Variants in ISM1 observed in about 807,000 individuals in gnomAD.
ISM1 encodes isthmin-1.
A neutral mutation model predicts 46.3 loss-of-function variants in ISM1; 25 were observed. The observed-to-expected ratio is 0.54, with a 90% confidence interval of 0.39 to 0.75. The LOEUF is 0.75. Ranked by LOEUF, ISM1 falls within the 30% of genes least tolerant of loss-of-function variation. ISM1 has a pLI of 0.00. For missense variants in ISM1, 536 were observed against 625.4 expected, an observed-to-expected ratio of 0.86 and a Z score of 1.52; for synonymous variants, 255 against 256.7, an observed-to-expected ratio of 0.99 and a Z score of 0.06.
intron 1 of ISM1, among the ~76,000 whole-genome samples, chr20:13,235,485 A>G (rs979538805): frequency 2.0e-5 from 3 of 152,168 alleles, no homozygotes; most frequent in African/African-American, 4.8e-5. Flanking sequence ...TAACATCACC[A>G]GGGCTGTGTT....
chr20:13,221,693 C>T lies in ISM1; in HGVS notation c.-84C>T. The T allele has an allele frequency of 5.1e-6, 6 of 1,183,136 alleles. No individual in the cohort carries two copies. The highest frequency in any genetic ancestry group is 2.9e-5 in the South Asian group (1 of 34,494). 73.3% of individuals were successfully genotyped at this position (1,183,136 alleles called of 1,614,324 possible). ...GGCGGGAGCCGCGCTGCCGGGCTCCCGGGCTCCTACTCCTCCTCCCCCGGC... is the reference window on the plus strand; with the variant it reads ...GGCGGGAGCCGCGCTGCCGGGCTCCTGGGCTCCTACTCCTCCTCCCCCGGC... On this transcript the variant is annotated 5_prime_UTR_variant, in exon 1 of 6. Coordinates refer to ENST00000262487, the MANE Select transcript of ISM1 (RefSeq NM_080826.2).
chr20:13,285,559 G>C (rs2040282728), intron 3 of ISM1, among the ~76,000 whole-genome samples: 1 of 152,198 alleles, frequency 6.6e-6, no homozygotes, highest in Non-Finnish European at 1.5e-5. Context: ...CTTGGGGGAA[G>C]AGTTCCCTGC....
At chr20:13,269,952 G>GATGGATGGATGGATGT (rs2040092550) in intron 1 of ISM1, among the ~76,000 whole-genome samples, 1 of 152,010 alleles carries the variant, frequency 6.6e-6, no homozygotes, top group Non-Finnish European at 1.5e-5. Context: ...TGGATGGATG[G>GATGGATGGATGGATGT]ATGGATGGAT....
chr20:13,288,791 CTTT>C, intron 4 of ISM1, 108 bp downstream of exon 4: 2 of 965,712 alleles, frequency 2.1e-6, no homozygotes, highest in Non-Finnish European at 3.0e-6. Flanking sequence ...CTTTTCTTTT[CTTT>C]TTTTTTTTGA....
chr20:13,282,789 A>C (rs1209369229), intron 3 of ISM1, among the ~76,000 whole-genome samples: 1 of 152,232 alleles, frequency 6.6e-6, no homozygotes, highest in African/African-American at 2.4e-5. Context: ...GGGCCTTGTT[A>C]AAATGCACCT....
chr20:13,222,202 G>C (rs1335003734), intron 1 of ISM1, among the ~76,000 whole-genome samples: 2 of 152,148 alleles, frequency 1.3e-5, no homozygotes, highest in Non-Finnish European at 2.9e-5. Flanking sequence ...AGCGAGGTTT[G>C]GGATGAGCAG....
chr20:13,292,148 G>T (rs1009409193), intron 4 of ISM1, among the ~76,000 whole-genome samples: 1 of 152,132 alleles, frequency 6.6e-6, no homozygotes, highest in East Asian at 1.9e-4. Flanking sequence ...ACTTATTCAG[G>T]CACATTTGGA....
At chr20:13,261,605 C>T (rs6134837) in intron 1 of ISM1, among the ~76,000 whole-genome samples, 4,261 of 152,234 alleles carry the variant, frequency 0.028, 203 homozygotes, top group East Asian at 0.18. Flanking sequence ...GACCCAGACC[C>T]AGACCTTGAA....
At chr20:13,270,344 G>A (rs2040097372) in intron 1 of ISM1, among the ~76,000 whole-genome samples, 160 bp from the exon 2 acceptor site, 1 of 152,212 alleles carries the variant, frequency 6.6e-6, no homozygotes, top group South Asian at 2.1e-4. Context: ...AAGACATGAA[G>A]AAACTAAACC....
At chr20:13,240,407 T>TG (rs2039706214) in intron 1 of ISM1, among the ~76,000 whole-genome samples, 1 of 152,104 alleles carries the variant, frequency 6.6e-6, no homozygotes, top group South Asian at 2.1e-4. Context: ...AGTCCTGAGC[T>TG]GGGGGAATAA....
chr20:13,279,690 G>T lies in ISM1; in HGVS notation c.435G>T (p.Pro145=). 6.2e-7 allele frequency: 1 copy of T among 1,614,008 alleles called. No homozygotes were observed. Among genetic ancestry groups the T allele is most frequent in the Non-Finnish European group, 8.5e-7 (1 of 1,179,892 alleles). The change falls in exon 3 of 6, where the codon CCG becomes CCT. Residue 145 remains proline (P), a synonymous_variant. Coordinates refer to ENST00000262487, the MANE Select transcript of ISM1 (RefSeq NM_080826.2). ...PDSEADKDQH[P]ENKPSWSVPS... ...CTGAAGCAGATAAAGATCAGCATCC[G>T]GAGAATAAGCCCAGCTGGTCAGTCC...
chr20:13,235,599 C>T (rs1373172431), intron 1 of ISM1, among the ~76,000 whole-genome samples: 1 of 152,218 alleles, frequency 6.6e-6, no homozygotes, highest in East Asian at 1.9e-4. Flanking sequence ...AAAGCTCTCA[C>T]ATGTCATCCT....
In ISM1 at chr20:13,299,534, C is replaced by A; in HGVS notation, c.*75C>A. The A allele has an allele frequency of 7.5e-7, 1 of 1,339,608 alleles. No individual in the cohort carries two copies. The highest frequency in any genetic ancestry group is 1.3e-5 in the South Asian group (1 of 74,512). 83.0% of individuals were successfully genotyped at this position (1,339,608 alleles called of 1,614,324 possible). A position where few individuals can be genotyped will look rare whatever the true frequency, so the allele number is the denominator to read the frequency against. ...CGTGCTGCACTGACGTGCCGACTGGCGCCGAGACCTTCATAGCTGCGGTCG... is the reference window on the plus strand; with the variant it reads ...CGTGCTGCACTGACGTGCCGACTGGAGCCGAGACCTTCATAGCTGCGGTCG... On this transcript the variant is annotated 3_prime_UTR_variant, in exon 6 of 6. Coordinates refer to ENST00000262487, the MANE Select transcript of ISM1 (RefSeq NM_080826.2). The surrounding 1 kb of genome is among the most constrained non-coding windows in gnomAD (Gnocchi z 5.8).
At chr20:13,225,620 A>G (rs1487504903) in intron 1 of ISM1, among the ~76,000 whole-genome samples, 1 of 152,196 alleles carries the variant, frequency 6.6e-6, no homozygotes, top group African/African-American at 2.4e-5. Context: ...AAAAGTTTTG[A>G]GTACACTCTC....
In ISM1 at chr20:13,221,276, CCTCCTCCTCCCCGCGCTT is replaced by C. The variant is rs2039442568; in HGVS notation, c.-497_-480del. The stretch of plus-strand genomic sequence containing the variant: ...TCCTCCTCCTCCTTCTCCTTCTCCT[CCTCCTCCTCCCCGCGCTT>C]CTCTGGCGGCCGCTCCCGCTCCAGC... On this transcript the variant is annotated 5_prime_UTR_variant, in exon 1 of 6. Transcript: ENST00000262487. Among the ~76,000 whole-genome samples the C allele has an allele frequency of 7.6e-6, 1 of 131,184 alleles. No homozygotes were observed. Among genetic ancestry groups the C allele is most frequent in the African/African-American group, 2.6e-5 (1 of 38,114 alleles). 86.1% of individuals were successfully genotyped at this position (131,184 alleles called of 152,430 possible).
chr20:13,287,209 A>G (rs1199303024), intron 3 of ISM1, among the ~76,000 whole-genome samples: 2 of 152,224 alleles, frequency 1.3e-5, no homozygotes, highest in Non-Finnish European at 2.9e-5. Context: ...ACAGTTCCAC[A>G]TGGCTGGGGA....
rs1469972491 is a variant in ISM1, at chr20:13,225,880, GGATATA to G, written c.138+3979_138+3984del. Among the ~76,000 whole-genome samples, 7 of 152,104 alleles carry G rather than the reference GGATATA, an allele frequency of 4.6e-5. No individual in the cohort carries two copies. In the South Asian group the frequency reaches 1.2e-3, roughly 27 times the overall value. On this transcript the variant is annotated intron_variant, in intron 1 of 5. Coordinates refer to ENST00000262487, the MANE Select transcript of ISM1 (RefSeq NM_080826.2). ...TTAATGATAAAACATACATAGATAT[GGATATA>G]GATATAGATATATAATAAAAGTCAT...
chr20:13,261,427 A>G (rs2039988317), intron 1 of ISM1, among the ~76,000 whole-genome samples: 1 of 122,242 alleles, frequency 8.2e-6, no homozygotes, highest in Admixed American at 9.0e-5. Context: ...CTCTGTCTCA[A>G]AAAAAAAAAA....
At chr20:13,309,374 A>C in the ISM1 span, among the ~76,000 whole-genome samples, 1 of 152,184 alleles carries the variant, frequency 6.6e-6, no homozygotes, top group African/African-American at 2.4e-5. Context: ...ATTGAATATT[A>C]TTTCATAATA....
Sources: allele counts gnomAD v4.1 joint callset (sites outside exome capture counted in the v4.1 genomes callset), GRCh38; gene constraint gnomAD v4.1.1; non-coding constraint Gnocchi (gnomAD v3.1); transcripts MANE v1.5; gene names NCBI Gene and HGNC (gene_info 2026-07-23, HGNC 2026-07-21).